The following FRMD4A variants were observed in gnomAD, a reference collection of about 807,000 sequenced individuals.
FRMD4A encodes FERM domain-containing protein 4A.
Under a neutral mutation model 129.1 loss-of-function variants are expected in FRMD4A, and 29 were observed. The ratio of observed to expected loss-of-function variants is 0.22; its 90% CI spans 0.17 to 0.31. The LOEUF (loss-of-function observed/expected upper bound fraction) is 0.31. Among genes scored for constraint, FRMD4A ranks in the 10% least tolerant of loss-of-function variants. FRMD4A has a pLI of 1.00. For missense variants in FRMD4A, 1,272 were observed against 1,375.8 expected, an observed-to-expected ratio of 0.92 and a Z score of 1.19; for synonymous variants, 634 against 571.6, an observed-to-expected ratio of 1.11 and a Z score of -1.56.
chr10:14,129,391 TATATATATATATATATAA>T lies in FRMD4A; in HGVS notation c.45+200649_45+200666del, dbSNP rs1390653097. ...TGATTCATATATATATATATATATA[TATATATATATATATATAA>T]AAAATATGAGCTGTAGAACATACTT... is the stretch of plus-strand genomic sequence containing the variant. On this transcript the variant is annotated intron_variant, in intron 2 of 24. Transcript: ENST00000357447. Among the ~76,000 whole-genome samples, 558 of 130,682 alleles carry T rather than the reference TATATATATATATATATAA, an allele frequency of 4.3e-3. 7 individuals carry two copies. Among genetic ancestry groups the T allele is most frequent in the African/African-American group, 0.016 (506 of 31,078 alleles). 85.7% of individuals were successfully genotyped at this position (130,682 alleles called of 152,430 possible).
chr10:14,026,127 A>C (rs114468576), intron 2 of FRMD4A, among the ~76,000 whole-genome samples: 209 of 152,316 alleles, frequency 1.4e-3, no homozygotes, highest in African/African-American at 4.9e-3. Flanking sequence ...CATTGATGTC[A>C]AAGAAGGTGG....
At chr10:14,067,442 A>G (rs1273928054) in intron 2 of FRMD4A, among the ~76,000 whole-genome samples, 1 of 152,216 alleles carries the variant, frequency 6.6e-6, no homozygotes, top group Non-Finnish European at 1.5e-5. Context: ...TAAACATAGA[A>G]CAATCGGTCA....
intron 2 of FRMD4A, among the ~76,000 whole-genome samples, chr10:14,173,953 C>G (rs1379852535): frequency 2.0e-5 from 3 of 152,024 alleles, no homozygotes; most frequent in Non-Finnish European, 2.9e-5. Context: ...CTCCCATGCA[C>G]AGAGCCTTTT....
intron 6 of FRMD4A, among the ~76,000 whole-genome samples, chr10:13,770,794 T>C (rs1398534242): frequency 6.6e-6 from 1 of 152,140 alleles, no homozygotes; most frequent in Non-Finnish European, 1.5e-5. Flanking sequence ...GACAGATCCA[T>C]GTAAGCTTGT....
intron 3 of FRMD4A, among the ~76,000 whole-genome samples, chr10:13,827,592 A>G (rs2093721941): frequency 6.6e-6 from 1 of 152,224 alleles, no homozygotes; most frequent in Non-Finnish European, 1.5e-5. Context: ...CAATTCAGGC[A>G]AAGCGAAACA....
intron 2 of FRMD4A, among the ~76,000 whole-genome samples, chr10:14,112,478 A>T (rs1457014161): frequency 4.6e-5 from 7 of 152,188 alleles, no homozygotes; most frequent in Non-Finnish European, 1.5e-5. Flanking sequence ...CTCCACCAGG[A>T]CCTCACCCAT....
At chr10:14,041,018 T>G (rs1833758582) in intron 2 of FRMD4A, among the ~76,000 whole-genome samples, 1 of 152,226 alleles carries the variant, frequency 6.6e-6, no homozygotes, top group Admixed American at 6.5e-5. Flanking sequence ...TTCCTCTTAA[T>G]CAAAGGAATT....
At chr10:14,293,354 C>G (rs1845908238) in intron 2 of FRMD4A, among the ~76,000 whole-genome samples, 1 of 152,186 alleles carries the variant, frequency 6.6e-6, no homozygotes. Flanking sequence ...GTGCCATGCT[C>G]TTGGACTTCC....
At chr10:13,785,700 C>G (rs958637513) in intron 5 of FRMD4A, among the ~76,000 whole-genome samples, 1 of 152,082 alleles carries the variant, frequency 6.6e-6, no homozygotes, top group South Asian at 2.1e-4. Context: ...TATACATATG[C>G]CATGTTGGTG....
intron 3 of FRMD4A, among the ~76,000 whole-genome samples, chr10:13,838,306 C>T (rs1588969391): frequency 1.4e-5 from 2 of 147,206 alleles, no homozygotes; most frequent in East Asian, 4.0e-4. Flanking sequence ...GTTGCCCAGG[C>T]TGTTCACAAA....
intron 2 of FRMD4A, among the ~76,000 whole-genome samples, chr10:14,144,245 T>G (rs1168734268): frequency 6.6e-6 from 1 of 152,180 alleles, no homozygotes; most frequent in East Asian, 1.9e-4. Context: ...AGTGTCACTC[T>G]TGGGAGCTGC....
intron 2 of FRMD4A, among the ~76,000 whole-genome samples, chr10:14,121,368 A>G (rs1007976114): frequency 1.3e-5 from 2 of 152,216 alleles, no homozygotes. Flanking sequence ...ACTCTGTCTC[A>G]AAACAGAACA....
chr10:13,724,411 A>T (rs12220850), intron 12 of FRMD4A, among the ~76,000 whole-genome samples: 4,818 of 151,688 alleles, frequency 0.032, 189 homozygotes, highest in East Asian at 0.11. Flanking sequence ...AGATTTGTCT[A>T]TTCAGTCCCA....
chr10:14,288,303 C>T (rs1432059892), intron 2 of FRMD4A, among the ~76,000 whole-genome samples: 1 of 152,134 alleles, frequency 6.6e-6, no homozygotes, highest in Non-Finnish European at 1.5e-5. Context: ...TCAGAATGTA[C>T]TGATATGGTT....
intron 2 of FRMD4A, among the ~76,000 whole-genome samples, chr10:14,006,309 G>A (rs921554092): frequency 6.6e-6 from 1 of 152,212 alleles, no homozygotes; most frequent in Admixed American, 6.5e-5. Context: ...TAAGGCCCAT[G>A]TAACGGTGGG....
intron 2 of FRMD4A, among the ~76,000 whole-genome samples, chr10:13,892,187 G>A (rs2094708208): frequency 6.6e-6 from 1 of 152,044 alleles, no homozygotes; most frequent in African/African-American, 2.4e-5. Flanking sequence ...CCCAAGCGGG[G>A]GACCCCTGGC....
At chr10:14,040,414 T>C (rs2131673913) in intron 2 of FRMD4A, among the ~76,000 whole-genome samples, 1 of 152,286 alleles carries the variant, frequency 6.6e-6, no homozygotes, top group South Asian at 2.1e-4. Context: ...TACAAGATAA[T>C]CTTAATAGCA....
intron 2 of FRMD4A, among the ~76,000 whole-genome samples, chr10:14,111,397 C>T (rs1391558472): frequency 2.0e-5 from 3 of 152,172 alleles, no homozygotes; most frequent in Admixed American, 2.0e-4. Context: ...GATGAAATAA[C>T]ATCCCAAGCT....
intron 2 of FRMD4A, among the ~76,000 whole-genome samples, chr10:14,205,668 G>A (rs1440837042): frequency 6.6e-6 from 1 of 152,046 alleles, no homozygotes. Flanking sequence ...TTAGCTGGGT[G>A]TGGTGGCAGG....
Sources: allele counts gnomAD v4.1 joint callset (sites outside exome capture counted in the v4.1 genomes callset), GRCh38; gene constraint gnomAD v4.1.1; transcripts MANE v1.5; gene names NCBI Gene and HGNC (gene_info 2026-07-23, HGNC 2026-07-21).